Variants in EYA4 observed in about 807,000 individuals in gnomAD.
EYA4 encodes EYA transcriptional coactivator and phosphatase 4, also known as protein phosphatase EYA4.
A neutral mutation model predicts 87.9 loss-of-function variants in EYA4; 31 were observed. That is an observed-to-expected ratio of 0.35 (90% CI 0.27 to 0.48). The LOEUF (loss-of-function observed/expected upper bound fraction) is 0.48, where lower values mean the gene tolerates loss of function less well. Among genes scored for constraint, EYA4 ranks in the 20% least tolerant of loss-of-function variants. The pLI is 0.99. For synonymous variants in EYA4, 263 were observed against 270.6 expected, an observed-to-expected ratio of 0.97 and a Z score of 0.28; for missense variants, 678 against 761.4, an observed-to-expected ratio of 0.89 and a Z score of 1.29.
intron 2 of EYA4, among the ~76,000 whole-genome samples, chr6:133,325,836 G>A (rs892713693): frequency 1.3e-5 from 2 of 152,204 alleles, no homozygotes; most frequent in African/African-American, 4.8e-5. Flanking sequence ...AGGTGTAGCT[G>A]TTAGCTTTCT....
At chr6:133,378,042 T>A (rs159416) in intron 2 of EYA4, among the ~76,000 whole-genome samples, 9,755 of 152,146 alleles carry the variant, frequency 0.064, 457 homozygotes, top group Non-Finnish European at 0.1. Context: ...ACAGCATAGA[T>A]TACAGTGGTA....
intron 2 of EYA4, among the ~76,000 whole-genome samples, chr6:133,357,874 A>T (rs557899260): frequency 6.6e-6 from 1 of 151,966 alleles, no homozygotes; most frequent in South Asian, 2.1e-4. Context: ...TATATATAAT[A>T]CTTATGTAAT....
chr6:133,414,694 T>C (rs1789553234), intron 3 of EYA4, among the ~76,000 whole-genome samples: 1 of 152,214 alleles, frequency 6.6e-6, no homozygotes, highest in Non-Finnish European at 1.5e-5. Context: ...CCAGATTTGT[T>C]TTCCATTTCC....
chr6:133,500,568 ACCT>A (rs1798029110), intron 13 of EYA4, among the ~76,000 whole-genome samples: 1 of 151,650 alleles, frequency 6.6e-6, no homozygotes. Context: ...TTCTGTACAA[ACCT>A]CCTCAATTAC....
At chr6:133,521,968 G>A (rs1800194525) in intron 17 of EYA4, among the ~76,000 whole-genome samples, 2 of 111,006 alleles carry the variant, frequency 1.8e-5, no homozygotes, top group African/African-American at 6.6e-5. Context: ...ACTGTTGTGG[G>A]GTGGGGGGAG....
chr6:133,243,875 G>A (rs1289964788), intron 1 of EYA4, among the ~76,000 whole-genome samples: 1 of 152,120 alleles, frequency 6.6e-6, no homozygotes, highest in Admixed American at 6.5e-5. Context: ...TTTGTGTGGA[G>A]CAAGACTGCC....
rs371453148 is a variant in EYA4 at position 133,510,565 on chromosome 6, T to C, written c.1282-2156T>C. 1.3e-4 allele frequency: 31 copies of C among 239,522 alleles called. No homozygotes were observed. The East Asian group carries it at 3.6e-3, about 28-fold the overall frequency. 14.8% of individuals were successfully genotyped at this position (239,522 alleles called of 1,614,324 possible). A position where few individuals can be genotyped will look rare whatever the true frequency, so the allele number is the denominator to read the frequency against. The stretch of plus-strand genomic sequence containing the variant: ...CCAGTCCAGCAGTTACTATCATTGC[T>C]TGCAATGCCTTTACTGGATGTTTTT... On this transcript the variant is annotated intron_variant, in intron 14 of 19. Transcript: ENST00000355286.
Position 133,529,005 on chromosome 6 carries a change from TATATTTAC to T in EYA4, c.*202_*209del. The T allele has an allele frequency of 7.2e-7, 1 of 1,392,984 alleles. No individual in the cohort carries two copies. Among genetic ancestry groups the T allele is most frequent in the Non-Finnish European group, 9.3e-7 (1 of 1,072,868 alleles). The allele number at this position is 1,392,984 out of a possible 1,614,324, so 86.3% of individuals were successfully genotyped here. A position where few individuals can be genotyped will look rare whatever the true frequency, so the allele number is the denominator to read the frequency against. ...CTACAGAAAAGAAACTCTATGGTCT[TATATTTAC>T]AACACTTTAATGGGTTTTTTAAAAA... On this transcript the variant is annotated 3_prime_UTR_variant, in exon 20 of 20. Transcript: ENST00000355286.
chr6:133,509,421 AC>A (rs1798940733), intron 14 of EYA4, among the ~76,000 whole-genome samples: 1 of 151,846 alleles, frequency 6.6e-6, no homozygotes, highest in Non-Finnish European at 1.5e-5. Flanking sequence ...AAAAAACCGA[AC>A]CATCTAATTT....
At position 133,425,850 on chromosome 6, in the gene EYA4, T is replaced by C. The variant is rs375974265; in HGVS notation, c.84-20780T>C. Among the ~76,000 whole-genome samples the C allele has an allele frequency of 1.4e-3, 215 of 150,794 alleles. 18 individuals carry two copies. Among genetic ancestry groups the C allele is most frequent in the African/African-American group, 5.1e-3 (206 of 40,266 alleles). ...TGCTTTGTTGCTTCTACCTCTCCAT[T>C]TGCTCCTCATTGCCTGTAGGCTAAA... On this transcript the variant is annotated intron_variant, in intron 3 of 19. Coordinates refer to ENST00000355286, the MANE Select transcript of EYA4 (RefSeq NM_004100.5).
chr6:133,281,181 A>T (rs1405475549), intron 2 of EYA4, among the ~76,000 whole-genome samples: 4 of 151,720 alleles, frequency 2.6e-5, no homozygotes. Flanking sequence ...ATGTTTTAAG[A>T]GTCATTTCTG....
chr6:133,307,778 G>A (rs542620389), intron 2 of EYA4, among the ~76,000 whole-genome samples: 21 of 152,210 alleles, frequency 1.4e-4, no homozygotes, highest in East Asian at 1.9e-4. Flanking sequence ...CATTTTACCC[G>A]TGAGGAAATT....
intron 3 of EYA4, among the ~76,000 whole-genome samples, chr6:133,387,829 A>T (rs1046791891): frequency 1.3e-5 from 2 of 152,112 alleles, no homozygotes; most frequent in Non-Finnish European, 2.9e-5. Context: ...GTCTGGCCTC[A>T]TGTGGATGCT....
chr6:133,356,926 A>G (rs2128438755), intron 2 of EYA4, among the ~76,000 whole-genome samples: 1 of 151,466 alleles, frequency 6.6e-6, no homozygotes, highest in South Asian at 2.1e-4. Context: ...GGCTAATCTG[A>G]GTCTTTTTGA....
chr6:133,402,026 T>C lies in EYA4; in HGVS notation c.83+19585T>C, dbSNP rs529818421. 3.3e-5 allele frequency among the ~76,000 whole-genome samples: 5 copies of C among 152,144 alleles called. No homozygotes were observed. In the East Asian group the frequency reaches 7.7e-4, roughly 23 times the overall value. On this transcript the variant is annotated intron_variant, in intron 3 of 19. Transcript: ENST00000355286. ...AGGAAAAGGGGAAGGAACTGAGGAGTTGCCCACCAGCTGTTTCTACTGACT... is the reference window on the plus strand; with the variant it reads ...AGGAAAAGGGGAAGGAACTGAGGAGCTGCCCACCAGCTGTTTCTACTGACT...
chr6:133,245,318 T>G (rs1377163005), intron 1 of EYA4: 1 of 152,208 alleles, frequency 6.6e-6, no homozygotes, highest in Non-Finnish European at 1.5e-5. Flanking sequence ...TTTTGAATCC[T>G]CTCATTGAAG....
At chr6:133,404,704 A>C (rs1323690984) in intron 3 of EYA4, among the ~76,000 whole-genome samples, 1 of 152,232 alleles carries the variant, frequency 6.6e-6, no homozygotes, top group Non-Finnish European at 1.5e-5. Flanking sequence ...CTTCCTATGC[A>C]TTTAGTTATC....
At chr6:133,491,557 T>C (rs1797153408) in intron 13 of EYA4, among the ~76,000 whole-genome samples, 1 of 152,068 alleles carries the variant, frequency 6.6e-6, no homozygotes. Flanking sequence ...CTAGATGAAA[T>C]GGACCAACAA....
At chr6:133,525,073 T>C (rs1562520032) in intron 18 of EYA4, 81 bp from the exon 19 acceptor site, 12 of 1,613,688 alleles carry the variant, frequency 7.4e-6, no homozygotes, top group Non-Finnish European at 1.0e-5. Flanking sequence ...TAACTTATGT[T>C]GTGATTGGAG....
Sources: allele counts gnomAD v4.1 joint callset (sites outside exome capture counted in the v4.1 genomes callset), GRCh38; gene constraint gnomAD v4.1.1; transcripts MANE v1.5; gene names NCBI Gene and HGNC (gene_info 2026-07-23, HGNC 2026-07-21).